The following ZNF451 variants were observed in gnomAD, a reference collection of about 807,000 sequenced individuals.
ZNF451 encodes E3 SUMO-protein ligase ZNF451.
ZNF451 carries 80 observed loss-of-function variants against 107.1 expected under a neutral mutation model. The ratio of observed to expected loss-of-function variants is 0.75; its 90% confidence interval spans 0.62 to 0.90. The LOEUF is 0.90. Among genes scored for constraint, ZNF451 ranks in the 40% least tolerant of loss-of-function variants. The pLI is 0.00. For synonymous variants in ZNF451, 362 were observed against 406.5 expected (o/e 0.89, Z 1.32); for missense variants, 1,107 against 1,236.2 (o/e 0.90, Z 1.57).
intron 3 of ZNF451, chr6:57,104,479 A>T: frequency 8.1e-6 from 8 of 985,336 alleles, no homozygotes; most frequent in Non-Finnish European, 9.6e-6. Context: ...GGTTTTTGAA[A>T]TACTCTTATT....
intron 7 of ZNF451, among the ~76,000 whole-genome samples, chr6:57,137,899 A>G (rs1186208991): frequency 6.6e-6 from 1 of 152,192 alleles, no homozygotes; most frequent in African/African-American, 2.4e-5. Context: ...ATGTGTTTCA[A>G]GGCTTATTCA....
At chr6:57,099,478 A>C in intron 3 of ZNF451, 1 of 717,052 alleles carries the variant, frequency 1.4e-6, no homozygotes, top group Non-Finnish European at 2.6e-6. Context: ...GGTGCCCTAT[A>C]CAACAGGATT....
Position 57,168,557 on chromosome 6 carries a change from TCCACTATTACA to T in ZNF451, c.*89_*99del. The T allele has an allele frequency of 1.0e-6, 1 of 993,082 alleles. No individual in the cohort carries two copies. Among genetic ancestry groups the T allele is most frequent in the Non-Finnish European group, 1.6e-6 (1 of 641,206 alleles). 61.5% of individuals were successfully genotyped at this position (993,082 alleles called of 1,614,324 possible). On this transcript the variant is annotated 3_prime_UTR_variant, in exon 15 of 15. Coordinates refer to ENST00000370706, the MANE Select transcript of ZNF451 (RefSeq NM_001031623.3). ...TTTGTTTTCTAAAGGAGACCAGAAA[TCCACTATTACA>T]AATGTATTTGAAAACATGTTTTTGC...
chr6:57,142,611 T>A (rs566231669), intron 9 of ZNF451, among the ~76,000 whole-genome samples: 11 of 152,312 alleles, frequency 7.2e-5, no homozygotes, highest in Non-Finnish European at 1.2e-4. Context: ...TGATAGATAG[T>A]TGGGTTGTTT....
At chr6:57,129,937 T>C (rs1362643385) in intron 5 of ZNF451, among the ~76,000 whole-genome samples, 1 of 152,182 alleles carries the variant, frequency 6.6e-6, no homozygotes, top group Non-Finnish European at 1.5e-5. Context: ...TATCTAGATT[T>C]ATTCTATATA....
chr6:57,165,319 T>C (rs1763847625), intron 14 of ZNF451: 1 of 152,254 alleles, frequency 6.6e-6, no homozygotes, highest in Admixed American at 6.5e-5. Context: ...TTTCTGATCC[T>C]ATTGCACTTC....
chr6:57,099,636 C>T (rs1829492708), intron 3 of ZNF451: 5 of 642,318 alleles, frequency 7.8e-6, no homozygotes, highest in Non-Finnish European at 1.4e-5. Context: ...TTGTCTGTGC[C>T]CCACATATTT....
At chr6:57,138,101 T>C (rs1311296710) in intron 7 of ZNF451, among the ~76,000 whole-genome samples, 1 of 152,208 alleles carries the variant, frequency 6.6e-6, no homozygotes, top group African/African-American at 2.4e-5. Context: ...TTTTAATTCC[T>C]CTAACGAGTT....
At chr6:57,133,965 C>T (rs1038611410) in intron 6 of ZNF451, among the ~76,000 whole-genome samples, 5 of 152,136 alleles carry the variant, frequency 3.3e-5, no homozygotes, top group East Asian at 1.9e-4. Flanking sequence ...CGTGAGCCAC[C>T]GCGCTCGGCC....
intron 2 of ZNF451, among the ~76,000 whole-genome samples, chr6:57,097,882 A>G (rs1315329751): frequency 6.6e-6 from 1 of 151,826 alleles, no homozygotes; most frequent in African/African-American, 2.4e-5. Flanking sequence ...TCTTATAGTC[A>G]CCTGAGGTTA....
chr6:57,161,470 A>G (rs1209015274), intron 14 of ZNF451, among the ~76,000 whole-genome samples: 1 of 152,096 alleles, frequency 6.6e-6, no homozygotes, highest in Non-Finnish European at 1.5e-5. Flanking sequence ...GGTATGGCAC[A>G]GACAGTAGAG....
intron 5 of ZNF451, among the ~76,000 whole-genome samples, chr6:57,129,073 T>C (rs1831062372): frequency 2.6e-5 from 4 of 152,164 alleles, no homozygotes; most frequent in Admixed American, 2.6e-4. Context: ...CTGAGCTCAT[T>C]AGATATTACT....
chr6:57,091,922 C>T (rs1349548205), intron 2 of ZNF451, among the ~76,000 whole-genome samples: 1 of 152,182 alleles, frequency 6.6e-6, no homozygotes, highest in Non-Finnish European at 1.5e-5. Flanking sequence ...AGGAGTCCTT[C>T]ACAAGATTGT....
chr6:57,147,336 A>G lies in ZNF451; in HGVS notation c.1251A>G (p.Leu417=). The G allele has an allele frequency of 6.2e-7, 1 of 1,614,112 alleles. No individual in the cohort carries two copies. Residue 417 remains leucine, a synonymous_variant, in exon 10 of 15, where the codon TTA becomes TTG. Coordinates refer to ENST00000370706, the MANE Select transcript of ZNF451 (RefSeq NM_001031623.3). ...GNKDPSSDLH[L]LLDQSKFSSL... ...AGGATCCTTCTTCTGACTTGCATTTATTGTTGGATCAATCAAAATTTTCAT... is the reference window on the plus strand; with the variant it reads ...AGGATCCTTCTTCTGACTTGCATTTGTTGTTGGATCAATCAAAATTTTCAT...
At chr6:57,165,454 T>C (rs1346725975) in intron 14 of ZNF451, 1 of 152,208 alleles carries the variant, frequency 6.6e-6, no homozygotes, top group Non-Finnish European at 1.5e-5. Flanking sequence ...GATTGATTGA[T>C]TGATTGATTT....
intron 3 of ZNF451, among the ~76,000 whole-genome samples, chr6:57,120,309 T>C (rs1304241089): frequency 6.6e-6 from 1 of 152,244 alleles, no homozygotes; most frequent in Non-Finnish European, 1.5e-5. Context: ...CCAAAGTTTA[T>C]CCATTCACCG....
Position 57,132,884 on chromosome 6 carries a change from A to T in ZNF451, c.425-158A>T, listed in dbSNP as rs182110519. On this transcript the variant is annotated intron_variant, in intron 5 of 14. Transcript: ENST00000370706. ...GTCATAACTTATTTACTTTTAGGTTATTATATCTTTTATAAGAGAGGTTTT... is the reference window on the plus strand; with the variant it reads ...GTCATAACTTATTTACTTTTAGGTTTTTATATCTTTTATAAGAGAGGTTTT... Among the ~76,000 whole-genome samples the T allele has an allele frequency of 4.6e-5, 7 of 152,052 alleles. No homozygotes were observed. The East Asian group carries it at 1.4e-3, about 29-fold the overall frequency.
At chr6:57,096,353 T>G (rs1829312642) in intron 2 of ZNF451, among the ~76,000 whole-genome samples, 1 of 151,108 alleles carries the variant, frequency 6.6e-6, no homozygotes, top group Admixed American at 6.6e-5. Context: ...CCTGGCTAAT[T>G]TTTTGTATTT....
Position 57,150,880 on chromosome 6 carries a change from A to T in ZNF451, c.2752+18A>T. On this transcript the variant is annotated intron_variant, in intron 11 of 14. Transcript: ENST00000370706. The stretch of plus-strand genomic sequence containing the variant: ...CTTTCAAGGTACGGTTAATAAGAAA[A>T]ACAAAAGAAAACTTTTTCCCACCTC... 3.1e-6 allele frequency: 5 copies of T among 1,612,364 alleles called. No homozygotes were observed. The highest frequency in any genetic ancestry group is 4.2e-6 in the Non-Finnish European group (5 of 1,179,550).
Sources: gnomAD v4.1 joint callset for allele counts (sites outside exome capture counted in the v4.1 genomes callset) on GRCh38, gnomAD v4.1.1 for gene constraint, MANE v1.5 for transcripts, NCBI Gene and HGNC (gene_info 2026-07-23, HGNC 2026-07-21) for gene names.